The following MTUS2 variants were observed in gnomAD, a reference collection of about 807,000 sequenced individuals.
MTUS2 encodes microtubule associated scaffold protein 2, also known as microtubule-associated tumor suppressor candidate 2.
Under a neutral mutation model 114.1 loss-of-function variants are expected in MTUS2, and 40 were observed. That is an observed-to-expected ratio of 0.35 (90% CI 0.27 to 0.46). The LOEUF (loss-of-function observed/expected upper bound fraction) is 0.46. Among genes scored for constraint, MTUS2 ranks in the 20% least tolerant of loss-of-function variants. MTUS2 has a pLI of 1.00. For synonymous variants in MTUS2, 688 were observed against 672.0 expected, an observed-to-expected ratio of 1.02 and a Z score of -0.37; for missense variants, 1,679 against 1,705.4, an observed-to-expected ratio of 0.98 and a Z score of 0.27.
Position 29,145,832 on chromosome 13 carries a change from A to G in MTUS2, c.2644+44862A>G, listed in dbSNP as rs528336296. ...TATTTTAGTAGAACTGCATAATTACAATAGCAAGAATGATGAGTGTAAATA... is the reference window on the plus strand; with the variant it reads ...TATTTTAGTAGAACTGCATAATTACGATAGCAAGAATGATGAGTGTAAATA... On this transcript the variant is annotated intron_variant, in intron 5 of 15. Transcript: ENST00000612955. Among the ~76,000 whole-genome samples, 437 of 152,330 alleles carry G rather than the reference A, an allele frequency of 2.9e-3. 2 individuals are homozygous for G. Among genetic ancestry groups the G allele is most frequent in the African/African-American group, 0.01 (418 of 41,570 alleles).
intron 2 of MTUS2, among the ~76,000 whole-genome samples, chr13:28,997,166 C>T (rs916530856): frequency 3.4e-4 from 52 of 152,282 alleles, no homozygotes; most frequent in Non-Finnish European, 5.6e-4. Flanking sequence ...AGTAGTCATT[C>T]AGGAGCAGGT....
chr13:29,044,793 G>A (rs1253234673), intron 4 of MTUS2, among the ~76,000 whole-genome samples: 1 of 152,126 alleles, frequency 6.6e-6, no homozygotes, highest in African/African-American at 2.4e-5. Context: ...TTATCACAAG[G>A]CTGATATGAA....
At chr13:29,075,288 C>T (rs1278791477) in intron 4 of MTUS2, among the ~76,000 whole-genome samples, 4 of 85,798 alleles carry the variant, frequency 4.7e-5, no homozygotes, top group East Asian at 2.5e-4. Context: ...TCTGAACACA[C>T]GTTGGTACGG....
intron 4 of MTUS2, among the ~76,000 whole-genome samples, chr13:29,071,409 ATTTTTTTTTTTTTT>A (rs751020009): frequency 4.6e-4 from 21 of 46,146 alleles, no homozygotes; most frequent in East Asian, 3.6e-3. Flanking sequence ...TGTTGCTTGA[ATTTTTTTTTTTTTT>A]TTTTTTTTTT....
chr13:29,505,584 A>C lies in MTUS2; in HGVS notation c.*2378A>C, dbSNP rs1883183296. 1 of 230,030 alleles carries C rather than the reference A, an allele frequency of 4.3e-6. No homozygotes were observed. The highest frequency in any genetic ancestry group is 5.7e-5 in the Admixed American group (1 of 17,580). 14.2% of individuals were successfully genotyped at this position (230,030 alleles called of 1,614,324 possible). A position where few individuals can be genotyped will look rare whatever the true frequency, so the allele number is the denominator to read the frequency against. On this transcript the variant is annotated 3_prime_UTR_variant, in exon 16 of 16. Transcript: ENST00000612955. The stretch of plus-strand genomic sequence containing the variant: ...CTTCTCAATTCTTCCACCCCCCCAC[A>C]CCATCAGAATTCGGATTTCTCTCCA...
chr13:28,907,420 A>G (rs1593290075), intron 2 of MTUS2, among the ~76,000 whole-genome samples: 1 of 151,734 alleles, frequency 6.6e-6, no homozygotes, highest in African/African-American at 2.4e-5. Flanking sequence ...TTTAAATGTA[A>G]ATGGACTAAA....
At chr13:28,972,629 T>C (rs1883906411) in intron 2 of MTUS2, among the ~76,000 whole-genome samples, 1 of 152,208 alleles carries the variant, frequency 6.6e-6, no homozygotes, top group African/African-American at 2.4e-5. Flanking sequence ...TAAATACTAA[T>C]GTCGCAGCCC....
chr13:29,390,430 G>A (rs907806290), intron 8 of MTUS2, among the ~76,000 whole-genome samples: 2 of 151,788 alleles, frequency 1.3e-5, no homozygotes, highest in Non-Finnish European at 2.9e-5. Context: ...GAGGCAGGTG[G>A]ATCACTTGAG....
At chr13:28,905,727 T>G (rs1332269554) in intron 2 of MTUS2, among the ~76,000 whole-genome samples, 1 of 149,552 alleles carries the variant, frequency 6.7e-6, no homozygotes, top group Non-Finnish European at 1.5e-5. Context: ...TTTTTTGTTG[T>G]GTCTCTGCCA....
rs1490079664 is a variant in MTUS2, at chr13:28,904,471, T to A, written c.-243+64621T>A. On this transcript the variant is annotated intron_variant, in intron 2 of 15. Transcript: ENST00000612955. ...GGATCCAGTTTCAGCTTTCTACATATGGCTAGCCAGTTTTCCCAGCACCAT... is the reference window on the plus strand; with the variant it reads ...GGATCCAGTTTCAGCTTTCTACATAAGGCTAGCCAGTTTTCCCAGCACCAT... 3.3e-5 allele frequency among the ~76,000 whole-genome samples: 5 copies of A among 152,228 alleles called. No homozygotes were observed. In the East Asian group the frequency reaches 9.6e-4, roughly 29 times the overall value.
chr13:29,374,712 A>G (rs1450307122), intron 8 of MTUS2, among the ~76,000 whole-genome samples: 1 of 152,200 alleles, frequency 6.6e-6, no homozygotes, highest in East Asian at 1.9e-4. Context: ...AGCCTGGCCA[A>G]CACAGGAAAC....
intron 7 of MTUS2, among the ~76,000 whole-genome samples, chr13:29,349,243 T>C (rs1207857195): frequency 3.3e-5 from 5 of 152,176 alleles, no homozygotes; most frequent in Admixed American, 3.3e-4. Context: ...GTCATTAGTT[T>C]TAACATTCTA....
At chr13:29,057,194 G>T (rs1888174746) in intron 4 of MTUS2, among the ~76,000 whole-genome samples, 1 of 152,040 alleles carries the variant, frequency 6.6e-6, no homozygotes, top group African/African-American at 2.4e-5. Flanking sequence ...TTAAAAATTT[G>T]CTGAAGATTG....
At chr13:29,097,071 ATCCCAGGAAGATACTATAGT>A (rs1890208801) in intron 4 of MTUS2, among the ~76,000 whole-genome samples, 1 of 152,136 alleles carries the variant, frequency 6.6e-6, no homozygotes, top group South Asian at 2.1e-4. Flanking sequence ...TGGCCTGCCC[ATCCCAGGAAGATACTATAGT>A]CCTTGACTCT....
chr13:28,957,688 G>A (rs369034762), intron 2 of MTUS2, among the ~76,000 whole-genome samples: 27 of 152,254 alleles, frequency 1.8e-4, no homozygotes, highest in African/African-American at 5.5e-4. Context: ...TATCTGGAGG[G>A]GGGGGTCCTG....
In MTUS2 at chr13:29,026,497, C is replaced by T; in HGVS notation, c.1799C>T (p.Pro600Leu). 6 of 1,614,014 alleles carry T rather than the reference C, an allele frequency of 3.7e-6. No homozygotes were observed. The highest frequency in any genetic ancestry group is 5.1e-6 in the Non-Finnish European group (6 of 1,179,904). Residue 600 changes from proline (P) to leucine (L), a missense_variant, in exon 3 of 16, where the codon CCT becomes CTT. Physicochemically the swap from Pro to Leu is moderately conservative, Grantham distance 98 (BLOSUM62 -3). Transcript: ENST00000612955. ...ACTTGCCCCAGTGGGATCCCCAAGCCTGTCTTCACACATTCCAAGGACACA... is the reference window on the plus strand; with the variant it reads ...ACTTGCCCCAGTGGGATCCCCAAGCTTGTCTTCACACATTCCAAGGACACA... ...KNTCPSGIPKPVFTHSKDTPS... is the reference protein window; with the variant it reads ...KNTCPSGIPKLVFTHSKDTPS...
chr13:28,894,324 GGGA>G lies in MTUS2; in HGVS notation c.-243+54477_-243+54479del. ...AGAGAGGGGGGGGGGGAGGGAGGGA[GGGA>G]GGGAGAGAGAGAGAGAGAGAGAGTG... is the stretch of plus-strand genomic sequence containing the variant. On this transcript the variant is annotated intron_variant, in intron 2 of 15. Coordinates refer to ENST00000612955, the MANE Select transcript of MTUS2 (RefSeq NM_001033602.4). Among the ~76,000 whole-genome samples the G allele has an allele frequency of 1.4e-3, 93 of 68,538 alleles. 8 individuals are homozygous for G. Among genetic ancestry groups the G allele is most frequent in the African/African-American group, 5.8e-3 (82 of 14,136 alleles). 45.0% of individuals were successfully genotyped at this position (68,538 alleles called of 152,430 possible). A position where few individuals can be genotyped will look rare whatever the true frequency, so the allele number is the denominator to read the frequency against.
chr13:29,012,723 A>G (rs575719498), intron 2 of MTUS2, among the ~76,000 whole-genome samples: 2 of 152,056 alleles, frequency 1.3e-5, no homozygotes, highest in South Asian at 4.2e-4. Flanking sequence ...AAATACAAAA[A>G]ATTAGCCGGG....
At chr13:29,263,949 C>A (rs968669144) in intron 5 of MTUS2, among the ~76,000 whole-genome samples, 1 of 152,152 alleles carries the variant, frequency 6.6e-6, no homozygotes, top group Non-Finnish European at 1.5e-5. Context: ...TGCACATAGT[C>A]TCCCAAATGT....
Sources: allele counts gnomAD v4.1 joint callset (sites outside exome capture counted in the v4.1 genomes callset), GRCh38; gene constraint gnomAD v4.1.1; transcripts MANE v1.5; gene names NCBI Gene and HGNC (gene_info 2026-07-23, HGNC 2026-07-21).